The following IL23R variants were observed in gnomAD, a reference collection of about 807,000 sequenced individuals.
The protein encoded by IL23R is interleukin-23 receptor.
A neutral mutation model predicts 56.9 loss-of-function variants in IL23R; 34 were observed. That is an observed-to-expected ratio of 0.60 (90% CI 0.45 to 0.80). The LOEUF (loss-of-function observed/expected upper bound fraction) is 0.80, where lower values mean the gene tolerates loss of function less well. IL23R is among the 30% of genes least tolerant of loss of function. The pLI is 0.00. For synonymous variants in IL23R, 230 were observed against 249.2 expected (o/e 0.92, Z 0.73); for missense variants, 635 against 730.0 (o/e 0.87, Z 1.50).
At chr1:67,189,745 G>C (rs1469185213) in intron 4 of IL23R, among the ~76,000 whole-genome samples, 1 of 152,112 alleles carries the variant, frequency 6.6e-6, no homozygotes, top group East Asian at 1.9e-4. Context: ...AGGAGTTTGA[G>C]ACCAACCTGG....
chr1:67,211,402 C>T (rs186841114), intron 6 of IL23R, among the ~76,000 whole-genome samples: 187 of 152,290 alleles, frequency 1.2e-3, no homozygotes, highest in African/African-American at 4.3e-3. Flanking sequence ...AGGCGGATCA[C>T]CTGAGCTCAG....
At chr1:67,249,557 G>C (rs1029697708) in intron 9 of IL23R, among the ~76,000 whole-genome samples, 1 of 151,846 alleles carries the variant, frequency 6.6e-6, no homozygotes, top group Non-Finnish European at 1.5e-5. Context: ...TCAGACATTA[G>C]AATTTTAGAA....
chr1:67,263,474 C>T (rs1653270096), downstream of IL23R, among the ~76,000 whole-genome samples: 1 of 152,114 alleles, frequency 6.6e-6, no homozygotes, highest in African/African-American at 2.4e-5. Context: ...ATGTGGGTTG[C>T]TGTTTGGCCT....
chr1:67,247,745 T>A (rs1652335082), intron 9 of IL23R, among the ~76,000 whole-genome samples: 1 of 152,214 alleles, frequency 6.6e-6, no homozygotes, highest in South Asian at 2.1e-4. Flanking sequence ...GTTTTTGCAG[T>A]GGCTGGTACT....
chr1:67,214,977 G>T (rs371852777), intron 6 of IL23R, among the ~76,000 whole-genome samples: 2 of 152,140 alleles, frequency 1.3e-5, no homozygotes, highest in Non-Finnish European at 2.9e-5. Flanking sequence ...GAAACTCCCT[G>T]CCCTGTTTTG....
chr1:67,164,658 A>T (rs10889663), upstream of IL23R, among the ~76,000 whole-genome samples: 43 of 58,472 alleles, frequency 7.4e-4, no homozygotes, highest in African/African-American at 1.0e-3. Flanking sequence ...AAATAAAATA[A>T]AATAAAATAA....
intron 6 of IL23R, among the ~76,000 whole-genome samples, chr1:67,215,336 G>A (rs1649761720): frequency 6.6e-6 from 1 of 152,098 alleles, no homozygotes; most frequent in Non-Finnish European, 1.5e-5. Flanking sequence ...GCTGGAATTG[G>A]GCATGTGTTT....
At chr1:67,166,893 C>T (rs1438222086) in intron 1 of IL23R, among the ~76,000 whole-genome samples, 3 of 152,096 alleles carry the variant, frequency 2.0e-5, no homozygotes. Flanking sequence ...ATGAGCCATG[C>T]ATTGCGTTCT....
chr1:67,236,649 T>C, intron 7 of IL23R, 64 bp from the exon 8 acceptor site: 2 of 1,004,864 alleles, frequency 2.0e-6, no homozygotes, highest in Non-Finnish European at 1.6e-6. Flanking sequence ...AGAAACTCCG[T>C]TGGGAAATTT....
In IL23R at chr1:67,258,536, T is replaced by C. The variant is rs1481789783; in HGVS notation, c.1298T>C (p.Met433Thr). 1.2e-6 allele frequency: 2 copies of C among 1,607,842 alleles called. No individual in the cohort carries two copies. The highest frequency in any genetic ancestry group is 1.1e-5 in the South Asian group (1 of 89,912). ...GAGCAGGTCCTATATGTTGATCCCA[T>C]GATTACAGAGATAAAAGAAATCTTC... ...SSEQVLYVDP[M>T]ITEIKEIFIP... The change falls in exon 11 of 11, where the codon ATG becomes ACG. Residue 433 changes from methionine to threonine, a missense_variant. Physicochemically the swap from Met to Thr is moderately conservative, Grantham distance 81. Coordinates refer to ENST00000347310, the MANE Select transcript of IL23R (RefSeq NM_144701.3).
chr1:67,183,667 C>T (rs1647197061), intron 4 of IL23R, among the ~76,000 whole-genome samples: 1 of 152,118 alleles, frequency 6.6e-6, no homozygotes, highest in Non-Finnish European at 1.5e-5. Context: ...AAACATAACA[C>T]ACAGGTTTGT....
the IL23R span, among the ~76,000 whole-genome samples, chr1:67,265,718 G>A: frequency 1.3e-5 from 2 of 152,040 alleles, no homozygotes; most frequent in African/African-American, 4.8e-5. Context: ...GAATTGCTGG[G>A]CCAAGAGACA....
In IL23R at chr1:67,228,044, TC is replaced by T. The variant is rs1229928503; in HGVS notation, c.955+8315del. 2.9e-4 allele frequency among the ~76,000 whole-genome samples: 12 copies of T among 41,166 alleles called. 2 individuals are homozygous for T. Among genetic ancestry groups the T allele is most frequent in the African/African-American group, 1.2e-3 (9 of 7,352 alleles). 27.0% of individuals were successfully genotyped at this position (41,166 alleles called of 152,430 possible). A position where few individuals can be genotyped will look rare whatever the true frequency, so the allele number is the denominator to read the frequency against. On this transcript the variant is annotated intron_variant, in intron 7 of 10. Coordinates refer to ENST00000347310, the MANE Select transcript of IL23R (RefSeq NM_144701.3). ...TTCCTTTCTTTCTTTTCTTTCTTTC[TC>T]TTTCTTTCTTTCTTTCTCTGTCTCT...
chr1:67,142,809 C>T (rs1646650138), intron 1 of IL23R, among the ~76,000 whole-genome samples: 1 of 152,156 alleles, frequency 6.6e-6, no homozygotes, highest in African/African-American at 2.4e-5. Context: ...CTCAGGTGAT[C>T]CACCCACCTT....
At chr1:67,178,722 T>A (rs992484287) in intron 3 of IL23R, among the ~76,000 whole-genome samples, 1 of 152,232 alleles carries the variant, frequency 6.6e-6, no homozygotes. Flanking sequence ...TGCTTCCAGT[T>A]TTTGCCCATT....
At chr1:67,241,315 T>C (rs187594120) in intron 9 of IL23R, among the ~76,000 whole-genome samples, 32 of 152,326 alleles carry the variant, frequency 2.1e-4, no homozygotes, top group African/African-American at 7.5e-4. Context: ...TGGAACATCC[T>C]GTTTATAGGA....
intron 7 of IL23R, among the ~76,000 whole-genome samples, chr1:67,226,471 C>T (rs1217132197): frequency 6.6e-6 from 1 of 152,192 alleles, no homozygotes; most frequent in African/African-American, 2.4e-5. Context: ...CTCTGATCGT[C>T]CCCAGGGGAA....
chr1:67,160,164 C>G (rs536359619), intron 1 of IL23R, among the ~76,000 whole-genome samples: 1 of 152,210 alleles, frequency 6.6e-6, no homozygotes, highest in East Asian at 1.9e-4. Flanking sequence ...GGTACGTTCT[C>G]ATGAACTGAA....
intron 6 of IL23R, among the ~76,000 whole-genome samples, chr1:67,211,610 G>C (rs1649477550): frequency 6.7e-6 from 1 of 150,344 alleles, no homozygotes; most frequent in African/African-American, 2.5e-5. Context: ...GTGACAGAGT[G>C]ACTCTGTCTC....
Sources: gnomAD v4.1 joint callset for allele counts (sites outside exome capture counted in the v4.1 genomes callset) on GRCh38, gnomAD v4.1.1 for gene constraint, MANE v1.5 for transcripts, NCBI Gene and HGNC (gene_info 2026-07-23, HGNC 2026-07-21) for gene names.